ACOXL: variants seen among roughly 807,000 people sequenced by gnomAD.
ACOXL encodes acyl-coenzyme A oxidase-like protein.
ACOXL carries 70 observed loss-of-function variants against 71.9 expected under a neutral mutation model. The ratio of observed to expected loss-of-function variants is 0.97; its 90% CI spans 0.80 to 1.19. The LOEUF is 1.19. ACOXL is among the 50% of genes most tolerant of loss of function. The pLI, the probability that ACOXL is intolerant of heterozygous loss-of-function variation, is 0.00. For missense variants in ACOXL, 703 were observed against 736.3 expected, an observed-to-expected ratio of 0.95 and a Z score of 0.52; for synonymous variants, 253 against 281.6, an observed-to-expected ratio of 0.90 and a Z score of 1.02.
chr2:111,055,006 T>C (rs2066463724), intron 16 of ACOXL, among the ~76,000 whole-genome samples: 1 of 152,230 alleles, frequency 6.6e-6, no homozygotes, highest in South Asian at 2.1e-4. Flanking sequence ...CTCAGCAAGC[T>C]GGTTGTCTAA....
intron 1 of ACOXL, among the ~76,000 whole-genome samples, chr2:110,759,565 CT>C (rs955881586): frequency 6.6e-6 from 1 of 152,066 alleles, no homozygotes; most frequent in Non-Finnish European, 1.5e-5. Context: ...CCATGTGTGT[CT>C]TTGCACATGG....
chr2:110,950,200 GT>G (rs1437797627), intron 12 of ACOXL, among the ~76,000 whole-genome samples: 3 of 152,054 alleles, frequency 2.0e-5, no homozygotes, highest in Non-Finnish European at 4.4e-5. Flanking sequence ...ACACCAGCAT[GT>G]CTTTTGATGT....
chr2:111,115,584 G>A (rs2070293157), intron 17 of ACOXL: 1 of 152,042 alleles, frequency 6.6e-6, no homozygotes, highest in African/African-American at 2.4e-5. Context: ...GAGGTGGGTG[G>A]GTACCTGGAA....
intron 10 of ACOXL, among the ~76,000 whole-genome samples, chr2:110,848,062 T>TA (rs1477434367): frequency 2.6e-5 from 4 of 152,284 alleles, no homozygotes; most frequent in Admixed American, 2.0e-4. Context: ...CATCTTGAAA[T>TA]ACAAAAGGGA....
chr2:111,081,064 A>G (rs1196296974), intron 16 of ACOXL, among the ~76,000 whole-genome samples: 1 of 152,230 alleles, frequency 6.6e-6, no homozygotes, highest in African/African-American at 2.4e-5. Context: ...AGCCAATATC[A>G]TACTGAATAG....
chr2:110,843,335 GA>G (rs1431148732), intron 10 of ACOXL, among the ~76,000 whole-genome samples: 2 of 152,210 alleles, frequency 1.3e-5, no homozygotes, highest in Non-Finnish European at 2.9e-5. Flanking sequence ...AGGCTTCTAA[GA>G]GGAAGGAAAT....
At chr2:110,832,809 A>T (rs752276520) in intron 9 of ACOXL, among the ~76,000 whole-genome samples, 2 of 152,260 alleles carry the variant, frequency 1.3e-5, no homozygotes, top group Non-Finnish European at 2.9e-5. Flanking sequence ...ACAGATGGCA[A>T]ATAAGCACAT....
chr2:110,920,094 T>C lies in ACOXL; in HGVS notation c.905+11189T>C, dbSNP rs554606090. On this transcript the variant is annotated intron_variant, in intron 11 of 17. Coordinates refer to ENST00000439055, the MANE Select transcript of ACOXL (RefSeq NM_001142807.4). ...TAGGGCAAATACTTGTAAGTAGGAC[T>C]GGTAGGTCAAGTGGTAAGTGTATGT... Among the ~76,000 whole-genome samples the C allele has an allele frequency of 1.4e-3, 217 of 152,316 alleles. 1 individual carries two copies. The highest frequency in any genetic ancestry group is 4.9e-3 in the African/African-American group (205 of 41,574).
intron 10 of ACOXL, among the ~76,000 whole-genome samples, chr2:110,843,551 G>A (rs1262732543): frequency 6.6e-6 from 1 of 152,172 alleles, no homozygotes; most frequent in Admixed American, 6.5e-5. Flanking sequence ...GATTGCTTCT[G>A]TAGTTCTACT....
intron 9 of ACOXL, among the ~76,000 whole-genome samples, chr2:110,812,751 C>T (rs146727242): frequency 1.2e-4 from 19 of 152,350 alleles, no homozygotes; most frequent in African/African-American, 4.1e-4. Flanking sequence ...GAAAGAATTT[C>T]CATTTTGAAT....
intron 1 of ACOXL, among the ~76,000 whole-genome samples, chr2:110,753,766 A>G (rs975564702): frequency 2.0e-5 from 3 of 152,194 alleles, no homozygotes; most frequent in Non-Finnish European, 2.9e-5. Flanking sequence ...TGGGATAGGT[A>G]TCTGTTTAAT....
intron 14 of ACOXL, among the ~76,000 whole-genome samples, chr2:111,020,218 C>T (rs4849341): frequency 0.83 from 126,168 of 152,178 alleles, 52,746 homozygotes; most frequent in Middle Eastern, 0.93. Flanking sequence ...ACCACCCATC[C>T]GTGGGTGGGG....
At chr2:111,076,071 G>A (rs562062277) in intron 16 of ACOXL, among the ~76,000 whole-genome samples, 211 of 152,184 alleles carry the variant, frequency 1.4e-3, no homozygotes, top group Non-Finnish European at 2.5e-3. Context: ...ATGTTATAAT[G>A]TCAAGAAGAT....
chr2:110,789,202 A>T (rs982414881), intron 3 of ACOXL, among the ~76,000 whole-genome samples: 9 of 152,084 alleles, frequency 5.9e-5, no homozygotes, highest in Non-Finnish European at 7.4e-5. Flanking sequence ...AGGGAAAAAG[A>T]TTGTCTTTAT....
At chr2:110,907,613 G>A (rs1313603472) in intron 10 of ACOXL, among the ~76,000 whole-genome samples, 1 of 152,106 alleles carries the variant, frequency 6.6e-6, no homozygotes, top group Non-Finnish European at 1.5e-5. Flanking sequence ...TCATCTGTGG[G>A]GTGGTTAGAC....
chr2:111,031,609 C>G lies in ACOXL; in HGVS notation c.1282-18C>G. 6.2e-7 allele frequency: 1 copy of G among 1,611,922 alleles called. No individual in the cohort carries two copies. The highest frequency in any genetic ancestry group is 8.5e-7 in the Non-Finnish European group (1 of 1,178,062). ...CACAATATCCTCAATGGTGATTTTT[C>G]TTCTGTCGATTGGACAGGTAAAGAC... On this transcript the variant is annotated intron_variant, in intron 14 of 17. Transcript: ENST00000439055.
intron 1 of ACOXL, among the ~76,000 whole-genome samples, chr2:110,733,998 T>G (rs1177620497): frequency 6.6e-6 from 1 of 152,208 alleles, no homozygotes; most frequent in Non-Finnish European, 1.5e-5. Context: ...ATGTGTAGTA[T>G]TCCAGCAGAA....
At chr2:110,806,475 A>G (rs1483592765) in intron 9 of ACOXL, among the ~76,000 whole-genome samples, 2 of 152,218 alleles carry the variant, frequency 1.3e-5, no homozygotes, top group Non-Finnish European at 2.9e-5. Flanking sequence ...CACAGACAGC[A>G]TCAGAGTGCC....
At chr2:111,005,245 C>T (rs4849331) in intron 14 of ACOXL, among the ~76,000 whole-genome samples, 55,175 of 152,048 alleles carry the variant, frequency 0.36, 10,701 homozygotes, top group African/African-American at 0.49. Context: ...AGGTTGCCCT[C>T]CATCACACTG....
Sources: allele counts gnomAD v4.1 joint callset (sites outside exome capture counted in the v4.1 genomes callset), GRCh38; gene constraint gnomAD v4.1.1; transcripts MANE v1.5; gene names NCBI Gene and HGNC (gene_info 2026-07-23, HGNC 2026-07-21).